LAMA3: variants seen among roughly 807,000 people sequenced by gnomAD.
LAMA3 encodes the protein laminin subunit alpha 3.
In LAMA3, 281 loss-of-function variants were observed where a neutral mutation model predicts 402.0. The observed-to-expected ratio is 0.70, with a 90% CI of 0.63 to 0.77. The LOEUF is 0.77. LAMA3 is among the 30% of genes least tolerant of loss of function. The pLI is 0.00. For synonymous variants in LAMA3, 1,431 were observed against 1,558.4 expected, an observed-to-expected ratio of 0.92 and a Z score of 1.93; for missense variants, 3,840 against 4,215.5, an observed-to-expected ratio of 0.91 and a Z score of 2.47.
At chr18:23,809,713 G>A (rs2063030242) in intron 12 of LAMA3, among the ~76,000 whole-genome samples, 1 of 152,170 alleles carries the variant, frequency 6.6e-6, no homozygotes, top group Non-Finnish European at 1.5e-5. Context: ...ACAGCTTGGG[G>A]GAGGGAGGAA....
intron 27 of LAMA3, 103 bp from the exon 28 acceptor site, chr18:23,842,292 G>T: frequency 7.0e-7 from 1 of 1,422,258 alleles, no homozygotes; most frequent in Non-Finnish European, 9.9e-7. Context: ...AAATACTTAG[G>T]TTGTTTTGTT....
chr18:23,823,954 CTG>C (rs1287527594), intron 20 of LAMA3, among the ~76,000 whole-genome samples: 1 of 152,034 alleles, frequency 6.6e-6, no homozygotes, highest in Admixed American at 6.5e-5. Context: ...GGGAGGATTG[CTG>C]GAGCTCAGGA....
At chr18:23,703,916 A>C (rs2060837272) in intron 1 of LAMA3, among the ~76,000 whole-genome samples, 2 of 152,240 alleles carry the variant, frequency 1.3e-5, no homozygotes, top group African/African-American at 4.8e-5. Flanking sequence ...TGTGACTCTC[A>C]AAAGGGAGAA....
At chr18:23,813,385 T>C (rs1194616148) in intron 14 of LAMA3, among the ~76,000 whole-genome samples, 1 of 152,146 alleles carries the variant, frequency 6.6e-6, no homozygotes, top group East Asian at 1.9e-4. Flanking sequence ...TGTGGAGCCC[T>C]GCATGTAAGT....
intron 2 of LAMA3, among the ~76,000 whole-genome samples, chr18:23,745,215 T>C (rs1000940059): frequency 2.0e-5 from 3 of 151,954 alleles, no homozygotes; most frequent in Admixed American, 1.3e-4. Context: ...CAAAAAAATA[T>C]GGTATATTGT....
intron 1 of LAMA3, among the ~76,000 whole-genome samples, chr18:23,702,618 C>G (rs1050991481): frequency 6.6e-6 from 1 of 152,224 alleles, no homozygotes; most frequent in Admixed American, 6.5e-5. Context: ...TGAGCCACCA[C>G]GCCTAGCTTA....
At chr18:23,940,631 G>A (rs955710847) in intron 68 of LAMA3, among the ~76,000 whole-genome samples, 5 of 152,174 alleles carry the variant, frequency 3.3e-5, no homozygotes, top group African/African-American at 4.8e-5. Flanking sequence ...GCTGGCCCTT[G>A]AAGCCCACTC....
At chr18:23,894,396 G>C in intron 43 of LAMA3, 48 bp downstream of exon 43, 1 of 1,516,184 alleles carries the variant, frequency 6.6e-7, no homozygotes, top group Non-Finnish European at 9.2e-7. Context: ...GTGGGGTTTG[G>C]TTTAAGATAT....
At chr18:23,944,120 C>A in intron 69 of LAMA3, 149 bp downstream of exon 69, 1 of 777,186 alleles carries the variant, frequency 1.3e-6, no homozygotes, top group Non-Finnish European at 2.2e-6. Flanking sequence ...CCCAGCATCT[C>A]AGTACTGGAG....
intron 25 of LAMA3, 126 bp from the exon 26 acceptor site, chr18:23,838,655 A>T (rs2063633816): frequency 1.4e-6 from 1 of 702,164 alleles, no homozygotes; most frequent in African/African-American, 1.8e-5. Context: ...CTACTTTAAA[A>T]TAACGATTAG....
intron 40 of LAMA3, among the ~76,000 whole-genome samples, chr18:23,884,443 C>T (rs1179032177): frequency 1.3e-5 from 2 of 152,128 alleles, no homozygotes; most frequent in Non-Finnish European, 2.9e-5. Context: ...TTGTTTTACT[C>T]CTTCCTTGTT....
chr18:23,825,728 G>T (rs1184700927), intron 21 of LAMA3, among the ~76,000 whole-genome samples: 1 of 152,028 alleles, frequency 6.6e-6, no homozygotes, highest in East Asian at 1.9e-4. Flanking sequence ...ACTAGTAACG[G>T]GTACAAAGTT....
chr18:23,847,341 T>G lies in LAMA3; in HGVS notation c.3932-123T>G, dbSNP rs189877162. The G allele has an allele frequency of 2.5e-3, 2,598 of 1,044,932 alleles. 7 individuals carry two copies. The highest frequency in any genetic ancestry group is 3.4e-3 in the Non-Finnish European group (2,368 of 695,102). The allele number at this position is 1,044,932 out of a possible 1,614,324, so 64.7% of individuals were successfully genotyped here. On this transcript the variant is annotated intron_variant, in intron 31 of 74. Transcript: ENST00000313654. ...GTCTTGACTCCAAGAAATGGGCCTTTCAGATCCAAATATTTCTCTCTGACC... is the reference window on the plus strand; with the variant it reads ...GTCTTGACTCCAAGAAATGGGCCTTGCAGATCCAAATATTTCTCTCTGACC...
At chr18:23,896,892 G>A (rs2080893636) in intron 44 of LAMA3, among the ~76,000 whole-genome samples, 1 of 152,118 alleles carries the variant, frequency 6.6e-6, no homozygotes, top group Non-Finnish European at 1.5e-5. Context: ...GGCCCAGAGA[G>A]CACAAAGAAA....
chr18:23,951,868 C>T lies in LAMA3; in HGVS notation c.9736+91C>T, dbSNP rs939749448. 47 of 972,648 alleles carry T rather than the reference C, an allele frequency of 4.8e-5. No individual in the cohort carries two copies. In the Middle Eastern group the frequency reaches 3.5e-3, roughly 73 times the overall value. The allele number at this position is 972,648 out of a possible 1,614,324, so 60.3% of individuals were successfully genotyped here. On this transcript the variant is annotated intron_variant, in intron 73 of 74. Transcript: ENST00000313654. ...ATCCCAAAGGCAGCCTCAGCCCCTCCATCCACAGTGCCTGACCAGGGCCAG... is the reference window on the plus strand; with the variant it reads ...ATCCCAAAGGCAGCCTCAGCCCCTCTATCCACAGTGCCTGACCAGGGCCAG...
chr18:23,887,679 T>A (rs2080484362), intron 41 of LAMA3, among the ~76,000 whole-genome samples: 1 of 152,044 alleles, frequency 6.6e-6, no homozygotes, highest in Non-Finnish European at 1.5e-5. Context: ...CAGTCAAGGG[T>A]GAAAAGCAGG....
At position 23,833,892 on chromosome 18, in the gene LAMA3, C is replaced by T; in HGVS notation, c.2888C>T (p.Ser963Phe). The change falls in exon 24 of 75, where the codon TCC becomes TTC. Residue 963 changes from serine (S) to phenylalanine (F), a missense_variant. By Grantham distance (155) the Ser-to-Phe change is radical (BLOSUM62 -2). Transcript: ENST00000313654. ...CACTACGTGGTTGTGGTCGAGTATT[C>T]CACGGAGGCAGCTCAGCTGTTTGTG... is the stretch of plus-strand genomic sequence containing the variant. The part of the protein sequence containing the change: ...VGHYVVVVEY[S>F]TEAAQLFVVD... The T allele has an allele frequency of 6.2e-7, 1 of 1,614,072 alleles. No individual in the cohort carries two copies. Among genetic ancestry groups the T allele is most frequent in the Non-Finnish European group, 8.5e-7 (1 of 1,180,020 alleles).
intron 1 of LAMA3, among the ~76,000 whole-genome samples, chr18:23,710,568 AT>A (rs538142272): frequency 1.3e-3 from 198 of 150,174 alleles, no homozygotes; most frequent in African/African-American, 4.1e-3. Context: ...CATTCTTCTG[AT>A]TTTTTTTTTC....
rs931274408 is a variant in LAMA3 at position 23,947,481 on chromosome 18, T to C, written c.9351+1197T>C. ...AATCTGGGCCTAGAAATGGGCATAA[T>C]GAAAGCAGGTCTCTCCACCAGCTTG... On this transcript the variant is annotated intron_variant, in intron 70 of 74. Coordinates refer to ENST00000313654, the MANE Select transcript of LAMA3 (RefSeq NM_198129.4). Among the ~76,000 whole-genome samples, 4 of 152,198 alleles carry C rather than the reference T, an allele frequency of 2.6e-5. No individual in the cohort carries two copies. In the East Asian group the frequency reaches 7.7e-4, roughly 29 times the overall value.
Sources: allele counts gnomAD v4.1 joint callset (sites outside exome capture counted in the v4.1 genomes callset), GRCh38; gene constraint gnomAD v4.1.1; transcripts MANE v1.5; gene names NCBI Gene and HGNC (gene_info 2026-07-23, HGNC 2026-07-21).